NEURL1B: variants seen among roughly 807,000 people sequenced by gnomAD.
NEURL1B encodes neuralized E3 ubiquitin protein ligase 1B, also known as E3 ubiquitin-protein ligase NEURL1B.
A neutral mutation model predicts 37.4 loss-of-function variants in NEURL1B; 13 were observed. That is an observed-to-expected ratio of 0.35 (90% CI 0.23 to 0.55). NEURL1B has a LOEUF of 0.55. NEURL1B is among the 20% of genes least tolerant of loss of function. The pLI is 0.89. For missense variants in NEURL1B, 790 were observed against 879.2 expected (o/e 0.90, Z 1.28); for synonymous variants, 432 against 426.6 (o/e 1.01, Z -0.16).
At chr5:172,663,945 A>C (rs899152102) in intron 1 of NEURL1B, among the ~76,000 whole-genome samples, 2 of 151,166 alleles carry the variant, frequency 1.3e-5, no homozygotes, top group Non-Finnish European at 2.9e-5. Context: ...ATTTTGGGGG[A>C]ATGGCTGTAG....
At chr5:172,677,706 C>G (rs999691700) in intron 2 of NEURL1B, among the ~76,000 whole-genome samples, 7 of 152,196 alleles carry the variant, frequency 4.6e-5, no homozygotes, top group Non-Finnish European at 1.0e-4. Context: ...GAGCTCTGCT[C>G]CTGTCCCCTC....
intron 2 of NEURL1B, among the ~76,000 whole-genome samples, chr5:172,670,702 T>G (rs1758113319): frequency 6.6e-6 from 1 of 152,200 alleles, no homozygotes; most frequent in Non-Finnish European, 1.5e-5. Flanking sequence ...TATTTGCTCA[T>G]TCATTCATTC....
chr5:172,648,701 CTG>C (rs2113259778), intron 1 of NEURL1B, among the ~76,000 whole-genome samples: 1 of 152,400 alleles, frequency 6.6e-6, no homozygotes, highest in African/African-American at 2.4e-5. Flanking sequence ...TGGCAGAACT[CTG>C]TAAGCATTTA....
In NEURL1B at chr5:172,687,112, A is replaced by C; in HGVS notation, c.*187A>C. 1.5e-6 allele frequency: 1 copy of C among 676,184 alleles called. No individual in the cohort carries two copies. 41.9% of individuals were successfully genotyped at this position (676,184 alleles called of 1,614,324 possible). A position where few individuals can be genotyped will look rare whatever the true frequency, so the allele number is the denominator to read the frequency against. The stretch of plus-strand genomic sequence containing the variant: ...CAGGCAGGGGTTGCTTCTGGCTCCA[A>C]AGTGCTTTGCCCCCAAAAGGCCGTC... On this transcript the variant is annotated 3_prime_UTR_variant, in exon 5 of 5. Coordinates refer to ENST00000369800, the MANE Select transcript of NEURL1B (RefSeq NM_001142651.3).
chr5:172,656,671 G>A (rs1306585566), intron 1 of NEURL1B: 5 of 1,561,498 alleles, frequency 3.2e-6, no homozygotes, highest in Non-Finnish European at 3.5e-6. Flanking sequence ...TACTTCTTGG[G>A]CTGTTTCAGT....
chr5:172,653,235 T>G (rs910294653), intron 1 of NEURL1B, among the ~76,000 whole-genome samples: 8 of 152,236 alleles, frequency 5.3e-5, no homozygotes, highest in Non-Finnish European at 1.2e-4. Context: ...GACTTTATAG[T>G]GCTTGGTGCC....
chr5:172,652,899 C>A (rs1561642130), intron 1 of NEURL1B, among the ~76,000 whole-genome samples: 2 of 152,158 alleles, frequency 1.3e-5, no homozygotes, highest in Admixed American at 1.3e-4. Flanking sequence ...GAAGGGTTTT[C>A]CCCTGGGACT....
rs116112312 is a variant in NEURL1B at position 172,686,784 on chromosome 5, C to T, written c.1527C>T (p.Gly509=). The change falls in exon 5 of 5, where the codon GGC becomes GGT. Residue 509 remains glycine (G), a synonymous_variant. Coordinates refer to ENST00000369800, the MANE Select transcript of NEURL1B (RefSeq NM_001142651.3). The surrounding 1 kb of genome is among the most constrained non-coding windows in gnomAD (Gnocchi z 7.9). ...KNGECTVCFD[G]EVDTVIYTCG... ...GCGAGTGCACGGTGTGCTTCGATGG[C>T]GAGGTGGACACGGTCATCTACACGT... The T allele has an allele frequency of 4.6e-4, 713 of 1,551,548 alleles. 6 individuals are homozygous for T. The African/African-American group carries it at 6.9e-3, about 15-fold the overall frequency.
intron 1 of NEURL1B, among the ~76,000 whole-genome samples, chr5:172,663,829 T>TTTTTTATTATTATTATTATTATTATTA (rs138220033): frequency 0.028 from 3,981 of 140,800 alleles, 110 homozygotes; most frequent in Admixed American, 0.04. Flanking sequence ...GTTTTATTTG[T>TTTTTTATTATTATTATTATTATTATTA]TTATTATTAT....
In NEURL1B at chr5:172,683,332, C is replaced by G; in HGVS notation, c.578-87C>G. ...CGAGGCCCGGGTCGGTCGTGGAGGC[C>G]TGCAGGAGGCAGCGGGCGAGGAGGG... On this transcript the variant is annotated intron_variant, in intron 2 of 4. Coordinates refer to ENST00000369800, the MANE Select transcript of NEURL1B (RefSeq NM_001142651.3). The surrounding 1 kb of genome is among the most constrained non-coding windows in gnomAD (Gnocchi z 5.6). 8.0e-7 allele frequency: 1 copy of G among 1,252,894 alleles called. No individual in the cohort carries two copies. The highest frequency in any genetic ancestry group is 1.0e-6 in the Non-Finnish European group (1 of 995,394). 77.6% of individuals were successfully genotyped at this position (1,252,894 alleles called of 1,614,324 possible). A position where few individuals can be genotyped will look rare whatever the true frequency, so the allele number is the denominator to read the frequency against.
At chr5:172,644,277 G>A (rs906792149) in intron 1 of NEURL1B, among the ~76,000 whole-genome samples, 3 of 152,166 alleles carry the variant, frequency 2.0e-5, no homozygotes, top group African/African-American at 7.2e-5. Context: ...TTGAGAAGCC[G>A]AGGCTCAGAG....
Position 172,687,152 on chromosome 5 carries a change from A to G in NEURL1B, c.*227A>G. On this transcript the variant is annotated 3_prime_UTR_variant, in exon 5 of 5. Coordinates refer to ENST00000369800, the MANE Select transcript of NEURL1B (RefSeq NM_001142651.3). ...AAAAGGCCGTCCCAAGAGCAAGCTC[A>G]GGAACTGCCTGGCAGATCACCCTGT... 1 of 536,786 alleles carries G rather than the reference A, an allele frequency of 1.9e-6. No individual in the cohort carries two copies. The highest frequency in any genetic ancestry group is 2.4e-5 in the South Asian group (1 of 42,538). The allele number at this position is 536,786 out of a possible 1,614,324, so 33.3% of individuals were successfully genotyped here. A position where few individuals can be genotyped will look rare whatever the true frequency, so the allele number is the denominator to read the frequency against.
chr5:172,689,994 T>G lies in NEURL1B; in HGVS notation c.*3069T>G, dbSNP rs1282106563. The G allele has an allele frequency of 3.3e-5, 5 of 152,180 alleles. No homozygotes were observed. Among genetic ancestry groups the G allele is most frequent in the African/African-American group, 1.2e-4 (5 of 41,420 alleles). The allele number at this position is 152,180 out of a possible 1,614,324, so 9.4% of individuals were successfully genotyped here. A position where few individuals can be genotyped will look rare whatever the true frequency, so the allele number is the denominator to read the frequency against. On this transcript the variant is annotated 3_prime_UTR_variant, in exon 5 of 5. Coordinates refer to ENST00000369800, the MANE Select transcript of NEURL1B (RefSeq NM_001142651.3). ...GGACCTGGGGCCTTGTCCCACCACC[T>G]TCCTAGGCCCCGTGATCACCACCCC...
chr5:172,684,615 T>C (rs1758447530), intron 3 of NEURL1B, among the ~76,000 whole-genome samples: 1 of 151,226 alleles, frequency 6.6e-6, no homozygotes, highest in Non-Finnish European at 1.5e-5. Flanking sequence ...GAAATAAGAA[T>C]AGTATCGTCC....
Position 172,683,901 on chromosome 5 carries a change from G to T in NEURL1B, c.1060G>T (p.Glu354Ter). 1 of 1,415,444 alleles carries T rather than the reference G, an allele frequency of 7.1e-7. No homozygotes were observed. Among genetic ancestry groups the T allele is most frequent in the Non-Finnish European group, 9.3e-7 (1 of 1,079,860 alleles). The allele number at this position is 1,415,444 out of a possible 1,614,324, so 87.7% of individuals were successfully genotyped here. A position where few individuals can be genotyped will look rare whatever the true frequency, so the allele number is the denominator to read the frequency against. ...SCDPGVLRPN[E>*]LPADPDALLD... The stretch of plus-strand genomic sequence containing the variant: ...CGACCCGGGCGTGCTACGGCCCAAC[G>T]AGCTGCCCGCCGACCCAGACGCGCT... The change falls in exon 3 of 5, where the codon GAG becomes TAG. Residue 354 changes from glutamate to a stop codon, truncating the protein, a stop_gained. Coordinates refer to ENST00000369800, the MANE Select transcript of NEURL1B (RefSeq NM_001142651.3). LOFTEE classifies it high-confidence loss of function. This position sits in a 1 kb window ranked among gnomAD's most constrained non-coding sequence, Gnocchi z 5.6.
intron 1 of NEURL1B, among the ~76,000 whole-genome samples, chr5:172,658,172 C>T (rs946795979): frequency 1.3e-5 from 2 of 152,278 alleles, no homozygotes; most frequent in South Asian, 4.1e-4. Flanking sequence ...TGGTAGTGGT[C>T]CCCCGGGCCC....
Position 172,657,106 on chromosome 5 carries a change from C to T in NEURL1B, c.32-12679C>T, listed in dbSNP as rs1395175160. On this transcript the variant is annotated intron_variant, in intron 1 of 4. Transcript: ENST00000369800. The surrounding 1 kb of genome is among the most constrained non-coding windows in gnomAD (Gnocchi z 4.0). The stretch of plus-strand genomic sequence containing the variant: ...TAGGGAAGCAATTCTGCATGATAAC[C>T]AACAGCATGCATGGGCTTTGGATTC... Among the ~76,000 whole-genome samples, 1 of 152,212 alleles carries T rather than the reference C, an allele frequency of 6.6e-6. No homozygotes were observed. Among genetic ancestry groups the T allele is most frequent in the African/African-American group, 2.4e-5 (1 of 41,454 alleles).
intron 1 of NEURL1B, among the ~76,000 whole-genome samples, chr5:172,655,884 G>A (rs757076668): frequency 1.6e-4 from 24 of 152,144 alleles, no homozygotes; most frequent in East Asian, 1.2e-3. Context: ...AATCACGGGC[G>A]AGCCCCCAAA....
chr5:172,679,591 G>A (rs1228536775), intron 2 of NEURL1B, among the ~76,000 whole-genome samples: 2 of 152,204 alleles, frequency 1.3e-5, no homozygotes, highest in South Asian at 2.1e-4. Flanking sequence ...CTCAATCAGG[G>A]CCCATGCCCA....
Sources: gnomAD v4.1 joint callset for allele counts (sites outside exome capture counted in the v4.1 genomes callset) on GRCh38, gnomAD v4.1.1 for gene constraint, Gnocchi (gnomAD v3.1) non-coding constraint, MANE v1.5 for transcripts, NCBI Gene and HGNC (gene_info 2026-07-23, HGNC 2026-07-21) for gene names.